F5: variants seen among roughly 807,000 people sequenced by gnomAD.
F5 encodes coagulation factor V, also known as activated protein c cofactor.
F5 carries 138 observed loss-of-function variants against 216.4 expected under a neutral mutation model. The ratio of observed to expected loss-of-function variants is 0.64; its 90% CI spans 0.56 to 0.73. The LOEUF is 0.73. Among genes scored for constraint, F5 ranks in the 30% least tolerant of loss-of-function variants. The probability of loss-of-function intolerance (pLI) is 0.00; values close to 1 mark genes in which losing one functional copy is unlikely to be tolerated. For missense variants in F5, 2,403 were observed against 2,674.0 expected (o/e 0.90, Z 2.24); for synonymous variants, 916 against 930.7 (o/e 0.98, Z 0.29).
intron 14 of F5, among the ~76,000 whole-genome samples, chr1:169,531,830 T>C (rs1056823864): frequency 6.6e-6 from 1 of 152,110 alleles, no homozygotes; most frequent in African/African-American, 2.4e-5. Context: ...CCTAATTGTC[T>C]GTTCCTTATT....
chr1:169,523,119 A>C, intron 21 of F5, 78 bp downstream of exon 21: 1 of 1,500,698 alleles, frequency 6.7e-7, no homozygotes, highest in Non-Finnish European at 9.3e-7. Flanking sequence ...TTTAAAATAC[A>C]TAATCATTAG....
intron 8 of F5, 63 bp from the exon 9 acceptor site, chr1:169,550,802 A>C: frequency 8.1e-7 from 1 of 1,230,876 alleles, no homozygotes; most frequent in Non-Finnish European, 1.2e-6. Context: ...AATATAAGAT[A>C]CTAGCTTTGC....
At chr1:169,531,165 A>T in intron 14 of F5, 143 bp from the exon 15 acceptor site, 1 of 677,180 alleles carries the variant, frequency 1.5e-6, no homozygotes, top group Non-Finnish European at 2.6e-6. Flanking sequence ...ATATTATTTC[A>T]TTTAATTTTC....
rs1659090050 is a variant in F5 at position 169,513,801 on chromosome 1, G to A, written c.*512C>T. On this transcript the variant is annotated 3_prime_UTR_variant, in exon 25 of 25. Coordinates refer to ENST00000367797, the MANE Select transcript of F5 (RefSeq NM_000130.5). ...ATGCTTGGCTGTTTTTTTACTCATG[G>A]AAAGTCAGAAAAATCATTGTTATAT... Among the ~76,000 whole-genome samples, 1 of 152,112 alleles carries A rather than the reference G, an allele frequency of 6.6e-6. No homozygotes were observed. The highest frequency in any genetic ancestry group is 2.1e-4 in the South Asian group (1 of 4,820).
intron 10 of F5, among the ~76,000 whole-genome samples, chr1:169,547,953 A>G (rs1390972120): frequency 1.3e-5 from 2 of 152,354 alleles, no homozygotes; most frequent in African/African-American, 4.8e-5. Flanking sequence ...ATGCCCATCA[A>G]TGACAGACTG....
intron 8 of F5, 22 bp downstream of exon 8, chr1:169,552,535 A>G: frequency 6.2e-7 from 1 of 1,600,952 alleles, no homozygotes; most frequent in Non-Finnish European, 8.6e-7. Flanking sequence ...TTCTCCCATG[A>G]TTCTGTATTT....
chr1:169,531,166 TTTAA>T (rs1468680372), intron 14 of F5, 144 bp from the exon 15 acceptor site: 2 of 675,376 alleles, frequency 3.0e-6, no homozygotes, highest in Non-Finnish European at 5.1e-6. Flanking sequence ...TATTATTTCA[TTTAA>T]TTTTCATAAC....
chr1:169,518,685 A>G (rs758515815), intron 22 of F5, 122 bp from the exon 23 acceptor site: 4 of 1,103,352 alleles, frequency 3.6e-6, no homozygotes, highest in Non-Finnish European at 5.3e-6. Flanking sequence ...TAACCACAAC[A>G]ATGAAGATTT....
chr1:169,520,808 G>A, intron 21 of F5, 144 bp from the exon 22 acceptor site: 1 of 735,158 alleles, frequency 1.4e-6, no homozygotes. Context: ...TATACTTGGG[G>A]ATAATTCCAG....
At position 169,523,210 on chromosome 1, in the gene F5, G is replaced by A; in HGVS notation, c.6035C>T (p.Thr2012Ile). ...ATGCACACAAACCATCACATTCCTT[G>A]TGCTGTTCCCTTTGAAGATCTGCCA... The part of the protein sequence containing the change: ...INWQIFKGNS[T>I]RNVMYFNGNS... Residue 2012 changes from threonine (T) to isoleucine (I), a missense_variant, in exon 21 of 25, where the codon ACA becomes ATA. Thr to Ile is a moderately conservative substitution (Grantham distance 89, BLOSUM62 -1). Coordinates refer to ENST00000367797, the MANE Select transcript of F5 (RefSeq NM_000130.5). 6.2e-7 allele frequency: 1 copy of A among 1,614,054 alleles called. No individual in the cohort carries two copies. The highest frequency in any genetic ancestry group is 8.5e-7 in the Non-Finnish European group (1 of 1,179,958).
At chr1:169,526,898 A>AT (rs1659466107) in intron 17 of F5, among the ~76,000 whole-genome samples, 1 of 151,238 alleles carries the variant, frequency 6.6e-6, no homozygotes, top group Admixed American at 6.6e-5. Flanking sequence ...TATGATATTA[A>AT]TATAATACAA....
intron 10 of F5, among the ~76,000 whole-genome samples, chr1:169,547,279 T>G (rs1370724785): frequency 6.6e-6 from 1 of 152,174 alleles, no homozygotes; most frequent in Non-Finnish European, 1.5e-5. Context: ...GACATAGGGA[T>G]GGGCAAAGCT....
rs748828481 is a variant in F5, at chr1:169,559,311, A to C, written c.587-15T>G. 1.9e-6 allele frequency: 3 copies of C among 1,613,326 alleles called. No homozygotes were observed. Among genetic ancestry groups the C allele is most frequent in the Non-Finnish European group, 2.5e-6 (3 of 1,179,520 alleles). ...AGTTAGGGTCCCTATGAAAGGAAAG[A>C]CATGTTTTCAGTAGCACTGCAGATA... On this transcript the variant is annotated splice_polypyrimidine_tract_variant and intron_variant, in intron 4 of 24. Coordinates refer to ENST00000367797, the MANE Select transcript of F5 (RefSeq NM_000130.5).
intron 3 of F5, among the ~76,000 whole-genome samples, chr1:169,564,342 G>A (rs1250263556): frequency 6.6e-6 from 1 of 152,036 alleles, no homozygotes; most frequent in Admixed American, 6.6e-5. Context: ...GCAGGACTCT[G>A]CCCTAAAATC....
At chr1:169,547,057 C>T (rs887585033) in intron 10 of F5, among the ~76,000 whole-genome samples, 2 of 151,856 alleles carry the variant, frequency 1.3e-5, no homozygotes, top group African/African-American at 2.4e-5. Flanking sequence ...ACTCGGGAGG[C>T]CGAGGGGCCG....
rs1659864831 is a variant in F5, at chr1:169,541,982, C to T, written c.3108G>A (p.Lys1036=). 1.2e-6 allele frequency: 2 copies of T among 1,613,870 alleles called. No individual in the cohort carries two copies. The highest frequency in any genetic ancestry group is 1.3e-5 in the African/African-American group (1 of 74,896). Residue 1036 remains lysine (K), a synonymous_variant, in exon 13 of 25, where the codon AAG becomes AAA. Coordinates refer to ENST00000367797, the MANE Select transcript of F5 (RefSeq NM_000130.5). The part of the protein sequence containing the change: ...LIKTRKKKKE[K]HTHHAPLSPR... Reference sequence around the variant, plus strand: ...GAGATAAAGGAGCATGGTGTGTGTGCTTCTCTTTTTTCTTTTTTCGTGTCT... The same window carrying T: ...GAGATAAAGGAGCATGGTGTGTGTGTTTCTCTTTTTTCTTTTTTCGTGTCT...
intron 14 of F5, 71 bp from the exon 15 acceptor site, chr1:169,531,093 A>G (rs1043735559): frequency 9.1e-6 from 10 of 1,104,266 alleles, no homozygotes; most frequent in East Asian, 2.4e-5. Flanking sequence ...TGTCAGCATT[A>G]TAAGTCAAAA....
Sources: gnomAD v4.1 joint callset for allele counts (sites outside exome capture counted in the v4.1 genomes callset) on GRCh38, gnomAD v4.1.1 for gene constraint, MANE v1.5 for transcripts, NCBI Gene and HGNC (gene_info 2026-07-23, HGNC 2026-07-21) for gene names.